ACVR2A: variants seen among roughly 807,000 people sequenced by gnomAD.
ACVR2A encodes activin receptor type-2A.
A neutral mutation model predicts 61.4 loss-of-function variants in ACVR2A; 7 were observed. The ratio of observed to expected loss-of-function variants is 0.11; its 90% CI spans 0.06 to 0.21. The LOEUF (loss-of-function observed/expected upper bound fraction) is 0.21. Ranked by LOEUF, ACVR2A falls within the 10% of genes least tolerant of loss-of-function variation. ACVR2A has a pLI of 1.00. For missense variants in ACVR2A, 322 were observed against 621.7 expected (o/e 0.52, Z 5.13); for synonymous variants, 193 against 208.3 (o/e 0.93, Z 0.63).
chr2:147,885,562 A>T (rs533791318), intron 1 of ACVR2A, among the ~76,000 whole-genome samples: 1 of 152,256 alleles, frequency 6.6e-6, no homozygotes, highest in Non-Finnish European at 1.5e-5. Flanking sequence ...TAGCACAATT[A>T]AAAAACCAAC....
intron 1 of ACVR2A, among the ~76,000 whole-genome samples, chr2:147,855,224 G>A (rs76434310): frequency 0.011 from 1,729 of 152,240 alleles, 38 homozygotes; most frequent in Admixed American, 0.051. Context: ...AAGCTCTACT[G>A]GGGTGGGGAA....
At chr2:147,880,142 A>G (rs1321745378) in intron 1 of ACVR2A, among the ~76,000 whole-genome samples, 2 of 152,186 alleles carry the variant, frequency 1.3e-5, no homozygotes, top group East Asian at 1.9e-4. Context: ...ACTACCTACC[A>G]TCAAGAAGCT....
chr2:147,853,848 A>G (rs1339804728), intron 1 of ACVR2A, among the ~76,000 whole-genome samples: 1 of 152,108 alleles, frequency 6.6e-6, no homozygotes, highest in Non-Finnish European at 1.5e-5. Flanking sequence ...TGATATATCA[A>G]GCTTGCTCCA....
chr2:147,911,122 A>G (rs1687100662), intron 4 of ACVR2A, among the ~76,000 whole-genome samples: 1 of 152,134 alleles, frequency 6.6e-6, no homozygotes, highest in African/African-American at 2.4e-5. Context: ...TTTTTGCTAA[A>G]GGCAATACTG....
At chr2:147,925,927 C>A in intron 9 of ACVR2A, 104 bp from the exon 10 acceptor site, 2 of 1,166,772 alleles carry the variant, frequency 1.7e-6, no homozygotes, top group South Asian at 1.5e-5. Context: ...AGCATGTAAA[C>A]AGTTGGGAAT....
At chr2:147,870,685 A>G (rs1685991175) in intron 1 of ACVR2A, among the ~76,000 whole-genome samples, 1 of 152,020 alleles carries the variant, frequency 6.6e-6, no homozygotes, top group Non-Finnish European at 1.5e-5. Flanking sequence ...ATCTCATTTC[A>G]TTCTCCTGTT....
chr2:147,888,425 A>T (rs961258750), intron 1 of ACVR2A, among the ~76,000 whole-genome samples: 11 of 152,136 alleles, frequency 7.2e-5, no homozygotes, highest in Admixed American at 4.6e-4. Context: ...TGTCTTTCCA[A>T]ATGTTTAGGT....
intron 1 of ACVR2A, among the ~76,000 whole-genome samples, chr2:147,889,588 CA>C (rs973721513): frequency 1.5e-4 from 22 of 150,316 alleles, no homozygotes; most frequent in Admixed American, 4.0e-4. Context: ...ACTAAAAATA[CA>C]AAAAAAAATT....
At chr2:147,893,706 C>T (rs982488894) in intron 1 of ACVR2A, among the ~76,000 whole-genome samples, 2 of 152,016 alleles carry the variant, frequency 1.3e-5, no homozygotes, top group Non-Finnish European at 2.9e-5. Context: ...AATCTTTTGC[C>T]CATTTAAATA....
chr2:147,875,486 T>C (rs1686131628), intron 1 of ACVR2A, among the ~76,000 whole-genome samples: 1 of 151,848 alleles, frequency 6.6e-6, no homozygotes, highest in Non-Finnish European at 1.5e-5. Flanking sequence ...TTTTTTCCCC[T>C]GTGGAAATAA....
At chr2:147,920,437 TGTG>T (rs769812065) in intron 8 of ACVR2A, 93 bp downstream of exon 8, 8 of 973,470 alleles carry the variant, frequency 8.2e-6, no homozygotes, top group Non-Finnish European at 1.1e-5. Context: ...CTAAAATTGT[TGTG>T]GTGTTTAAAT....
At chr2:147,894,727 A>C (rs749386441) in intron 1 of ACVR2A, among the ~76,000 whole-genome samples, 1 of 152,062 alleles carries the variant, frequency 6.6e-6, no homozygotes, top group Non-Finnish European at 1.5e-5. Flanking sequence ...TGAAAACTTA[A>C]ATTTTATCAT....
At chr2:147,882,539 G>A (rs11904758) in intron 1 of ACVR2A, among the ~76,000 whole-genome samples, 49,528 of 152,068 alleles carry the variant, frequency 0.33, 8,311 homozygotes, top group East Asian at 0.51. Flanking sequence ...GAACAACAGA[G>A]TGAGACTCTG....
chr2:147,875,438 A>C (rs1282376082), intron 1 of ACVR2A, among the ~76,000 whole-genome samples: 1 of 152,076 alleles, frequency 6.6e-6, no homozygotes, highest in African/African-American at 2.4e-5. Flanking sequence ...GTGCTTTAAA[A>C]ATTTTTATTT....
In ACVR2A at chr2:147,927,342, C is replaced by T. The variant is rs933445120; in HGVS notation, c.*68C>T. The T allele has an allele frequency of 3.0e-5, 41 of 1,381,544 alleles. No homozygotes were observed. Among genetic ancestry groups the T allele is most frequent in the Non-Finnish European group, 3.9e-5 (40 of 1,013,128 alleles). 85.6% of individuals were successfully genotyped at this position (1,381,544 alleles called of 1,614,324 possible). On this transcript the variant is annotated 3_prime_UTR_variant, in exon 11 of 11. Transcript: ENST00000241416. ...TGGAGCTGCTAAGCTAAAGAAACTG[C>T]TTACAGTTTATTTTCTGTGTAAAAT...
At chr2:147,868,827 C>T (rs1685941057) in intron 1 of ACVR2A, among the ~76,000 whole-genome samples, 1 of 151,890 alleles carries the variant, frequency 6.6e-6, no homozygotes, top group African/African-American at 2.4e-5. Context: ...AAATAGGGAT[C>T]TTGCCATGTT....
At chr2:147,848,734 G>A (rs1429570327) in intron 1 of ACVR2A, among the ~76,000 whole-genome samples, 1 of 151,906 alleles carries the variant, frequency 6.6e-6, no homozygotes. Flanking sequence ...GGGTAATGAA[G>A]TAATCTGCAC....
intron 1 of ACVR2A, among the ~76,000 whole-genome samples, chr2:147,851,594 C>A (rs973901782): frequency 2.0e-5 from 3 of 152,002 alleles, no homozygotes; most frequent in Non-Finnish European, 2.9e-5. Context: ...CCTGGCTAAC[C>A]CCTTTTTGGT....
chr2:147,875,757 T>C (rs1028379042), intron 1 of ACVR2A, among the ~76,000 whole-genome samples: 5 of 152,088 alleles, frequency 3.3e-5, no homozygotes, highest in African/African-American at 1.2e-4. Context: ...TGTATGTTGG[T>C]GTATGTTTCA....
Sources: allele counts gnomAD v4.1 joint callset (sites outside exome capture counted in the v4.1 genomes callset), GRCh38; gene constraint gnomAD v4.1.1; transcripts MANE v1.5; gene names NCBI Gene and HGNC (gene_info 2026-07-23, HGNC 2026-07-21).